CAMK1D: variants seen among roughly 807,000 people sequenced by gnomAD.
CAMK1D encodes calcium/calmodulin-dependent protein kinase type 1D.
In CAMK1D, 9 loss-of-function variants were observed where a neutral mutation model predicts 47.7. The observed-to-expected ratio is 0.19, with a 90% CI of 0.11 to 0.33. The LOEUF (loss-of-function observed/expected upper bound fraction) is 0.33. Ranked by LOEUF, CAMK1D falls within the 10% of genes least tolerant of loss-of-function variation. The probability of loss-of-function intolerance (pLI) is 1.00; values close to 1 mark genes in which losing one functional copy is unlikely to be tolerated. For synonymous variants in CAMK1D, 184 were observed against 184.9 expected (o/e 0.99, Z 0.04); for missense variants, 291 against 488.7 (o/e 0.60, Z 3.81).
At chr10:12,672,341 T>C (rs1384506278) in intron 3 of CAMK1D, among the ~76,000 whole-genome samples, 2 of 152,078 alleles carry the variant, frequency 1.3e-5, no homozygotes, top group Non-Finnish European at 2.9e-5. Context: ...GCAAATAATG[T>C]TTTCCTCTGG....
intron 5 of CAMK1D, among the ~76,000 whole-genome samples, chr10:12,783,317 C>T (rs1336339008): frequency 6.6e-6 from 1 of 152,168 alleles, no homozygotes; most frequent in African/African-American, 2.4e-5. Flanking sequence ...TGGCTTTTAT[C>T]TTCTGGCATC....
intron 1 of CAMK1D, among the ~76,000 whole-genome samples, chr10:12,386,856 TATA>T (rs1838511675): frequency 6.6e-6 from 1 of 152,142 alleles, no homozygotes; most frequent in African/African-American, 2.4e-5. Context: ...TCACATACAA[TATA>T]ATGTTTTGAT....
At chr10:12,732,498 G>T (rs1196506130) in intron 3 of CAMK1D, among the ~76,000 whole-genome samples, 1 of 152,094 alleles carries the variant, frequency 6.6e-6, no homozygotes, top group Non-Finnish European at 1.5e-5. Flanking sequence ...GGCTGGGGAG[G>T]CCTCAGAATC....
Position 12,826,621 on chromosome 10 carries a change from G to A in CAMK1D, c.1039+931G>A, listed in dbSNP as rs558511297. Reference sequence around the variant, plus strand: ...CAGTGGCCCTAATCTCCCTAACCATGGAGCAGCCCTGCAGCCTGGTCTCAC... The same window carrying A: ...CAGTGGCCCTAATCTCCCTAACCATAGAGCAGCCCTGCAGCCTGGTCTCAC... On this transcript the variant is annotated intron_variant, in intron 10 of 10. Transcript: ENST00000619168. 3.9e-5 allele frequency among the ~76,000 whole-genome samples: 6 copies of A among 152,136 alleles called. No individual in the cohort carries two copies. In the South Asian group the frequency reaches 8.3e-4, roughly 21 times the overall value.
At chr10:12,772,545 T>G (rs1447186195) in intron 5 of CAMK1D, among the ~76,000 whole-genome samples, 2 of 152,196 alleles carry the variant, frequency 1.3e-5, no homozygotes, top group African/African-American at 2.4e-5. Context: ...TACTGCTCTG[T>G]GTTTTGGCAA....
chr10:12,518,520 G>T, intron 1 of CAMK1D, among the ~76,000 whole-genome samples: 1 of 100,736 alleles, frequency 9.9e-6, no homozygotes, highest in East Asian at 2.6e-4. Context: ...GATCATTCTT[G>T]GGTGTTTCTC....
chr10:12,743,943 A>G (rs1254941593), intron 3 of CAMK1D, among the ~76,000 whole-genome samples: 2 of 152,034 alleles, frequency 1.3e-5, no homozygotes. Flanking sequence ...GAATGGCTTG[A>G]ACCTGGGAGG....
At chr10:12,686,226 T>A (rs936254566) in intron 3 of CAMK1D, among the ~76,000 whole-genome samples, 3 of 152,226 alleles carry the variant, frequency 2.0e-5, no homozygotes, top group African/African-American at 7.2e-5. Context: ...CTGGATGAGG[T>A]TACTTTGTAC....
At chr10:12,648,392 C>T (rs575010158) in intron 2 of CAMK1D, among the ~76,000 whole-genome samples, 5 of 152,274 alleles carry the variant, frequency 3.3e-5, no homozygotes, top group East Asian at 1.9e-4. Context: ...TTCAGTGCTC[C>T]GCAGGGATAT....
intron 1 of CAMK1D, among the ~76,000 whole-genome samples, chr10:12,424,925 C>T (rs978396058): frequency 2.6e-5 from 4 of 152,210 alleles, no homozygotes; most frequent in East Asian, 1.9e-4. Flanking sequence ...TTGTCTGAGA[C>T]AGCCCTGGTA....
At chr10:12,371,523 C>T (rs1284755688) in intron 1 of CAMK1D, among the ~76,000 whole-genome samples, 1 of 150,316 alleles carries the variant, frequency 6.7e-6, no homozygotes, top group Non-Finnish European at 1.5e-5. Context: ...TTGCAGTGAG[C>T]CGAGATCGTG....
intron 2 of CAMK1D, among the ~76,000 whole-genome samples, chr10:12,562,656 AGTTTG>A (rs1836981787): frequency 1.3e-5 from 2 of 152,280 alleles, no homozygotes; most frequent in African/African-American, 2.4e-5. Context: ...TTCCTGCTGC[AGTTTG>A]ACACACACCT....
intron 1 of CAMK1D, among the ~76,000 whole-genome samples, chr10:12,424,700 T>C (rs951825288): frequency 2.6e-5 from 4 of 152,088 alleles, no homozygotes; most frequent in Non-Finnish European, 5.9e-5. Context: ...TCCCAGCACT[T>C]CGGGAGGCTG....
At chr10:12,789,181 G>A (rs183737906) in intron 5 of CAMK1D, among the ~76,000 whole-genome samples, 8 of 152,274 alleles carry the variant, frequency 5.3e-5, no homozygotes, top group East Asian at 1.9e-4. Context: ...ACACAAATTC[G>A]TAAATTTTCT....
chr10:12,685,050 C>T (rs564126483), intron 3 of CAMK1D, among the ~76,000 whole-genome samples: 1 of 150,034 alleles, frequency 6.7e-6, no homozygotes, highest in African/African-American at 2.5e-5. Context: ...TGGCTCACGC[C>T]AACACTTTGG....
chr10:12,440,043 C>T (rs1157505886), intron 1 of CAMK1D, among the ~76,000 whole-genome samples: 1 of 152,140 alleles, frequency 6.6e-6, no homozygotes, highest in African/African-American at 2.4e-5. Flanking sequence ...GGGTCCCTCC[C>T]ATAACATGTG....
intron 8 of CAMK1D, 126 bp downstream of exon 8, chr10:12,816,454 T>G (rs1832797561): frequency 2.6e-6 from 2 of 766,754 alleles, no homozygotes; most frequent in Non-Finnish European, 4.2e-6. Flanking sequence ...CATCTCATTC[T>G]GGCCAGTGAC....
chr10:12,463,874 G>T (rs1172373381), intron 1 of CAMK1D, among the ~76,000 whole-genome samples: 1 of 152,106 alleles, frequency 6.6e-6, no homozygotes, highest in Non-Finnish European at 1.5e-5. Context: ...CACTAGATCT[G>T]ATGGTTGTAT....
At chr10:12,457,651 C>T (rs978979516) in intron 1 of CAMK1D, among the ~76,000 whole-genome samples, 15 of 151,606 alleles carry the variant, frequency 9.9e-5, no homozygotes, top group Middle Eastern at 6.8e-3. Context: ...TGTAGTGGCG[C>T]GAGCCTGTAG....
Sources: gnomAD v4.1 joint callset for allele counts (sites outside exome capture counted in the v4.1 genomes callset) on GRCh38, gnomAD v4.1.1 for gene constraint, MANE v1.5 for transcripts, NCBI Gene and HGNC (gene_info 2026-07-23, HGNC 2026-07-21) for gene names.